Variants in CNTN4 observed in about 807,000 individuals in gnomAD.
CNTN4 encodes the protein contactin-4.
A neutral mutation model predicts 122.5 loss-of-function variants in CNTN4; 77 were observed. The observed-to-expected ratio is 0.63, with a 90% CI of 0.52 to 0.76. The LOEUF is 0.76. CNTN4 is among the 30% of genes least tolerant of loss of function. The pLI is 0.00. For missense variants in CNTN4, 1,256 were observed against 1,259.1 expected (o/e 1.00, Z 0.04); for synonymous variants, 512 against 447.0 (o/e 1.15, Z -1.83).
At chr3:2,943,752 T>G (rs1459357239) in intron 13 of CNTN4, among the ~76,000 whole-genome samples, 1 of 151,462 alleles carries the variant, frequency 6.6e-6, no homozygotes, top group Non-Finnish European at 1.5e-5. Context: ...GCCTCCCCAG[T>G]AGCTGGGATT....
intron 7 of CNTN4, among the ~76,000 whole-genome samples, chr3:2,858,267 GA>G (rs1023181008): frequency 6.6e-6 from 1 of 152,206 alleles, no homozygotes; most frequent in Admixed American, 6.5e-5. Context: ...TCCAGAATAA[GA>G]AATTCCAAGA....
chr3:2,761,110 C>T (rs990839530), intron 6 of CNTN4, among the ~76,000 whole-genome samples: 3 of 152,258 alleles, frequency 2.0e-5, no homozygotes, highest in Middle Eastern at 3.4e-3. Context: ...AACTAAAAGG[C>T]CCACCTTGTA....
At chr3:2,933,556 A>T (rs1219591821) in intron 13 of CNTN4, among the ~76,000 whole-genome samples, 3 of 152,176 alleles carry the variant, frequency 2.0e-5, no homozygotes, top group Non-Finnish European at 4.4e-5. Context: ...TTTCTTTGGC[A>T]TAGTGAGTTT....
intron 9 of CNTN4, among the ~76,000 whole-genome samples, chr3:2,884,454 C>A (rs1034536007): frequency 2.6e-5 from 4 of 151,926 alleles, no homozygotes; most frequent in African/African-American, 9.7e-5. Flanking sequence ...TTTTTATGTC[C>A]TGAAAACTTA....
chr3:2,556,488 GCA>G (rs1183546687), intron 3 of CNTN4, among the ~76,000 whole-genome samples: 5 of 152,136 alleles, frequency 3.3e-5, no homozygotes, highest in Non-Finnish European at 7.3e-5. Context: ...ACACACTGAA[GCA>G]CTTAAAAGGA....
intron 3 of CNTN4, among the ~76,000 whole-genome samples, chr3:2,522,177 G>A (rs1195618552): frequency 6.6e-6 from 1 of 151,584 alleles, no homozygotes; most frequent in African/African-American, 2.4e-5. Flanking sequence ...GTGTGTGTGT[G>A]TGTGTGTGTG....
At position 2,477,901 on chromosome 3, in the gene CNTN4, C is replaced by G. The variant is rs80200066; in HGVS notation, c.-88-93515C>G. On this transcript the variant is annotated intron_variant, in intron 3 of 24. Transcript: ENST00000418658. ...GTAGGAACAGCTGCTTAATAAAAGG[C>G]TATTAGTAGGCCAGAAAACAAACAG... is the stretch of plus-strand genomic sequence containing the variant. Among the ~76,000 whole-genome samples the G allele has an allele frequency of 2.8e-3, 433 of 152,184 alleles. 8 individuals are homozygous for G. The East Asian group carries it at 0.058, about 20-fold the overall frequency.
Position 2,624,627 on chromosome 3 carries a change from C to CTT in CNTN4, c.55+53089_55+53090dup, listed in dbSNP as rs1175851279. ...TGGCTCTTAATTGGAATTTCTGATT[C>CTT]TTTTTTTTTTTTTTTTTTTTTCGAG... On this transcript the variant is annotated intron_variant, in intron 4 of 24. Transcript: ENST00000418658. 1.7e-3 allele frequency among the ~76,000 whole-genome samples: 152 copies of CTT among 89,926 alleles called. 3 individuals carry two copies. Among genetic ancestry groups the CTT allele is most frequent in the African/African-American group, 2.2e-3 (51 of 23,346 alleles). The allele number at this position is 89,926 out of a possible 152,430, so 59.0% of individuals were successfully genotyped here. A position where few individuals can be genotyped will look rare whatever the true frequency, so the allele number is the denominator to read the frequency against.
At chr3:2,479,421 G>A (rs1559590965) in intron 3 of CNTN4, among the ~76,000 whole-genome samples, 1 of 152,206 alleles carries the variant, frequency 6.6e-6, no homozygotes, top group Non-Finnish European at 1.5e-5. Context: ...CACAACTCAT[G>A]CGCCTTGAAG....
intron 2 of CNTN4, among the ~76,000 whole-genome samples, chr3:2,158,648 A>T (rs1326487395): frequency 6.6e-6 from 1 of 152,222 alleles, no homozygotes; most frequent in Non-Finnish European, 1.5e-5. Context: ...AGGTTTCCTT[A>T]ATATGAGAAT....
At chr3:2,239,324 T>C (rs2149598295) in intron 2 of CNTN4, among the ~76,000 whole-genome samples, 1 of 152,320 alleles carries the variant, frequency 6.6e-6, no homozygotes. Flanking sequence ...TAAGAAAGAT[T>C]AATTAATGAG....
intron 5 of CNTN4, among the ~76,000 whole-genome samples, chr3:2,737,571 A>C (rs895875297): frequency 6.6e-6 from 1 of 152,248 alleles, no homozygotes; most frequent in Admixed American, 6.5e-5. Context: ...ATTTTAAACT[A>C]TATCAGTAAA....
chr3:2,675,201 A>G (rs529054334), intron 4 of CNTN4, among the ~76,000 whole-genome samples: 2 of 152,014 alleles, frequency 1.3e-5, no homozygotes, highest in East Asian at 3.9e-4. Flanking sequence ...TCTTCCCTAC[A>G]TGATCTGGCC....
chr3:2,487,678 T>G (rs890953375), intron 3 of CNTN4, among the ~76,000 whole-genome samples: 1 of 152,248 alleles, frequency 6.6e-6, no homozygotes, highest in African/African-American at 2.4e-5. Flanking sequence ...CAAGAAAGTT[T>G]AAAAGCCTTT....
chr3:2,725,072 T>C (rs1373578162), intron 4 of CNTN4, among the ~76,000 whole-genome samples: 1 of 152,162 alleles, frequency 6.6e-6, no homozygotes, highest in African/African-American at 2.4e-5. Flanking sequence ...GAAAAATATA[T>C]CCCTATGAGC....
chr3:2,829,598 T>C (rs1008868938), intron 7 of CNTN4, among the ~76,000 whole-genome samples: 1 of 152,248 alleles, frequency 6.6e-6, no homozygotes, highest in Non-Finnish European at 1.5e-5. Flanking sequence ...ATTGGTGAAG[T>C]ATATTCTGTG....
Position 2,499,559 on chromosome 3 carries a change from A to G in CNTN4, c.-88-71857A>G, listed in dbSNP as rs534977485. Among the ~76,000 whole-genome samples, 10 of 152,104 alleles carry G rather than the reference A, an allele frequency of 6.6e-5. 1 individual carries two copies. The highest frequency in any genetic ancestry group is 4.2e-4 in the South Asian group (2 of 4,806). ...ACTTGGGTGGATTTGTATTGGGTCT[A>G]TTTCTGGGTTCCCTACTTGTATTCA... On this transcript the variant is annotated intron_variant, in intron 3 of 24. Coordinates refer to ENST00000418658, the MANE Select transcript of CNTN4 (RefSeq NM_175607.3).
At chr3:2,789,925 G>GT (rs1346654505) in intron 6 of CNTN4, among the ~76,000 whole-genome samples, 2 of 152,172 alleles carry the variant, frequency 1.3e-5, no homozygotes, top group African/African-American at 4.8e-5. Flanking sequence ...TGCTTATGGT[G>GT]TTTAGCCATT....
Position 3,053,867 on chromosome 3 carries a change from G to A in CNTN4, c.2872G>A (p.Val958Met), listed in dbSNP as rs751368858. ...TSVIETNKTSVELSLPFDEDY... is the reference protein window; with the variant it reads ...TSVIETNKTSMELSLPFDEDY... ...TGTCATTGAAACAAATAAAACATCGGTGGAGCTTTCTTTGCCTTTCGATGA... is the reference window on the plus strand; with the variant it reads ...TGTCATTGAAACAAATAAAACATCGATGGAGCTTTCTTTGCCTTTCGATGA... The change falls in exon 24 of 25, where the codon GTG (valine) becomes ATG (methionine). Residue 958 changes from valine to methionine, a missense_variant. Transcript: ENST00000418658. 1.4e-5 allele frequency: 23 copies of A among 1,614,054 alleles called. No homozygotes were observed. Among genetic ancestry groups the A allele is most frequent in the Non-Finnish European group, 1.8e-5 (21 of 1,180,018 alleles).
Sources: allele counts gnomAD v4.1 joint callset (sites outside exome capture counted in the v4.1 genomes callset), GRCh38; gene constraint gnomAD v4.1.1; transcripts MANE v1.5; gene names NCBI Gene and HGNC (gene_info 2026-07-23, HGNC 2026-07-21).